RASGRF2: variants seen among roughly 807,000 people sequenced by gnomAD.
The protein encoded by RASGRF2 is ras-specific guanine nucleotide-releasing factor 2.
In RASGRF2, 76 loss-of-function variants were observed where a neutral mutation model predicts 151.0. The ratio of observed to expected loss-of-function variants is 0.50; its 90% CI spans 0.42 to 0.61. The LOEUF is 0.61. Ranked by LOEUF, RASGRF2 falls within the 20% of genes least tolerant of loss-of-function variation. RASGRF2 has a pLI of 0.00. For synonymous variants in RASGRF2, 504 were observed against 566.5 expected, an observed-to-expected ratio of 0.89 and a Z score of 1.57; for missense variants, 1,148 against 1,564.6, an observed-to-expected ratio of 0.73 and a Z score of 4.49.
At chr5:81,001,344 G>C (rs1013660637) in intron 1 of RASGRF2, among the ~76,000 whole-genome samples, 3 of 152,300 alleles carry the variant, frequency 2.0e-5, no homozygotes, top group Middle Eastern at 3.4e-3. Context: ...CTTCTTTGCT[G>C]TCTGAGTTTG....
chr5:80,997,081 A>T (rs1430963272), intron 1 of RASGRF2: 1 of 152,226 alleles, frequency 6.6e-6, no homozygotes, highest in Non-Finnish European at 1.5e-5. Context: ...AGGACTATTT[A>T]TGAACTTGAG....
intron 18 of RASGRF2, among the ~76,000 whole-genome samples, chr5:81,198,627 G>A (rs1026230794): frequency 5.3e-5 from 8 of 152,104 alleles, no homozygotes; most frequent in African/African-American, 1.9e-4. Flanking sequence ...TTTTAGTAGA[G>A]ACGGGGTTTC....
chr5:81,100,497 G>A (rs1049515408), intron 12 of RASGRF2, among the ~76,000 whole-genome samples: 1 of 152,150 alleles, frequency 6.6e-6, no homozygotes, highest in African/African-American at 2.4e-5. Context: ...GGCGCCTCTA[G>A]CAAAAAGTGC....
At chr5:81,197,236 C>G (rs1284693074) in intron 18 of RASGRF2, among the ~76,000 whole-genome samples, 3 of 150,650 alleles carry the variant, frequency 2.0e-5, no homozygotes, top group Non-Finnish European at 3.0e-5. Flanking sequence ...GCGGGTGGAT[C>G]ATGAGGTCAG....
chr5:81,196,749 T>A (rs56323619), intron 18 of RASGRF2, among the ~76,000 whole-genome samples: 9,989 of 152,162 alleles, frequency 0.066, 416 homozygotes, highest in Middle Eastern at 0.11. Context: ...TAATCGTGCA[T>A]TTATGATAAT....
intron 17 of RASGRF2, among the ~76,000 whole-genome samples, chr5:81,143,037 C>A (rs1320700780): frequency 6.6e-6 from 1 of 152,138 alleles, no homozygotes; most frequent in Non-Finnish European, 1.5e-5. Flanking sequence ...TTCGTAGTAT[C>A]CCTTTATTTT....
Position 81,114,083 on chromosome 5 carries a change from A to C in RASGRF2, c.2470+163A>C, listed in dbSNP as rs1358690195. The stretch of plus-strand genomic sequence containing the variant: ...TAGTTAGAAGAGAAAATTCCTGTAG[A>C]TTCTTCTGGCCCTTCTGGAACAGAA... On this transcript the variant is annotated intron_variant, in intron 15 of 26. Transcript: ENST00000265080. Among the ~76,000 whole-genome samples the C allele has an allele frequency of 2.0e-5, 3 of 152,204 alleles. No individual in the cohort carries two copies. In the East Asian group the frequency reaches 5.8e-4, roughly 29 times the overall value.
At chr5:81,206,783 T>C (rs1755517359) in intron 19 of RASGRF2, 62 bp from the exon 20 acceptor site, 1 of 1,398,544 alleles carries the variant, frequency 7.2e-7, no homozygotes, top group African/African-American at 1.4e-5. Flanking sequence ...ACTGCATTTG[T>C]AGTTTTGTTC....
chr5:81,015,915 T>C (rs1749619816), intron 1 of RASGRF2, among the ~76,000 whole-genome samples: 1 of 152,220 alleles, frequency 6.6e-6, no homozygotes. Context: ...AATTAATCAA[T>C]GCAATGGTGT....
intron 18 of RASGRF2, among the ~76,000 whole-genome samples, chr5:81,187,267 A>G (rs1412198499): frequency 6.6e-6 from 1 of 152,230 alleles, no homozygotes; most frequent in Non-Finnish European, 1.5e-5. Context: ...GATCACTTGG[A>G]ATGTAGCTAG....
intron 14 of RASGRF2, 150 bp from the exon 15 acceptor site, chr5:81,113,388 A>C: frequency 9.7e-5 from 82 of 847,488 alleles, no homozygotes; most frequent in Non-Finnish European, 1.4e-4. Context: ...GGTGGAGGGT[A>C]TACATGTAGC....
intron 4 of RASGRF2, among the ~76,000 whole-genome samples, chr5:81,072,170 AC>A (rs1310970226): frequency 6.6e-6 from 1 of 152,192 alleles, no homozygotes; most frequent in African/African-American, 2.4e-5. Context: ...ATTTTTGTTT[AC>A]CTTGATAGAC....
chr5:81,131,934 CTCTG>C (rs1753632735), intron 17 of RASGRF2, among the ~76,000 whole-genome samples: 1 of 152,200 alleles, frequency 6.6e-6, no homozygotes, highest in South Asian at 2.1e-4. Flanking sequence ...ACTATTACTT[CTCTG>C]TCTGTTTATA....
chr5:80,983,981 A>G (rs1311936843), intron 1 of RASGRF2, among the ~76,000 whole-genome samples: 1 of 152,172 alleles, frequency 6.6e-6, no homozygotes, highest in Admixed American at 6.5e-5. Flanking sequence ...CTGATCTATA[A>G]TATAGCATCC....
chr5:81,106,532 T>G (rs1007321581), intron 12 of RASGRF2, among the ~76,000 whole-genome samples: 4 of 152,350 alleles, frequency 2.6e-5, no homozygotes, highest in African/African-American at 9.6e-5. Context: ...ATAGCCTGCC[T>G]CCAACTGATT....
At chr5:80,962,541 A>G (rs1747596115) in intron 1 of RASGRF2, among the ~76,000 whole-genome samples, 4 of 151,998 alleles carry the variant, frequency 2.6e-5, no homozygotes, top group Admixed American at 2.0e-4. Context: ...CTCAGGATAT[A>G]TATCATTTAC....
At chr5:81,150,716 A>T (rs1320734865) in intron 17 of RASGRF2, among the ~76,000 whole-genome samples, 1 of 152,256 alleles carries the variant, frequency 6.6e-6, no homozygotes, top group Non-Finnish European at 1.5e-5. Flanking sequence ...AATAACTGCA[A>T]AAGTTTAAAC....
At chr5:81,127,944 A>G (rs75351631) in intron 17 of RASGRF2, among the ~76,000 whole-genome samples, 6 of 150,946 alleles carry the variant, frequency 4.0e-5, no homozygotes, top group South Asian at 2.1e-4. Flanking sequence ...AAAAAAAAAA[A>G]AAAGAAAAGA....
At position 81,208,513 on chromosome 5, in the gene RASGRF2, A is replaced by T. The variant is rs1755560379; in HGVS notation, c.3156+75A>T. 4 of 940,652 alleles carry T rather than the reference A, an allele frequency of 4.3e-6. No individual in the cohort carries two copies. In the East Asian group the frequency reaches 1.1e-4, roughly 27 times the overall value. 58.3% of individuals were successfully genotyped at this position (940,652 alleles called of 1,614,324 possible). A position where few individuals can be genotyped will look rare whatever the true frequency, so the allele number is the denominator to read the frequency against. ...ATTGGGGTCTAAAGACTCCTCTAAA[A>T]CAAAGCAACTCTGTCACCCACTTTT... On this transcript the variant is annotated intron_variant, in intron 22 of 26. Transcript: ENST00000265080.
Sources: gnomAD v4.1 joint callset for allele counts (sites outside exome capture counted in the v4.1 genomes callset) on GRCh38, gnomAD v4.1.1 for gene constraint, MANE v1.5 for transcripts, NCBI Gene and HGNC (gene_info 2026-07-23, HGNC 2026-07-21) for gene names.